The following MAN1A2 variants were observed in gnomAD, a reference collection of about 807,000 sequenced individuals.
The protein encoded by MAN1A2 is mannosidase alpha class 1A member 2.
Under a neutral mutation model 75.7 loss-of-function variants are expected in MAN1A2, and 26 were observed. That is an observed-to-expected ratio of 0.34 (90% confidence interval 0.25 to 0.48). MAN1A2 has a LOEUF of 0.48. Ranked by LOEUF, MAN1A2 falls within the 20% of genes least tolerant of loss-of-function variation. MAN1A2 has a pLI of 0.99. For synonymous variants in MAN1A2, 247 were observed against 264.6 expected (o/e 0.93, Z 0.65); for missense variants, 562 against 775.5 (o/e 0.72, Z 3.27).
At chr1:117,423,265 A>G (rs892948324) in intron 5 of MAN1A2, among the ~76,000 whole-genome samples, 4 of 152,180 alleles carry the variant, frequency 2.6e-5, no homozygotes, top group African/African-American at 9.6e-5. Flanking sequence ...TGGTACTACC[A>G]CATTGTATTC....
At chr1:117,494,969 T>C (rs1650992182) in intron 9 of MAN1A2, 1 of 151,908 alleles carries the variant, frequency 6.6e-6, no homozygotes, top group African/African-American at 2.4e-5. Flanking sequence ...GAACATGTGA[T>C]ATATCATATA....
chr1:117,506,838 C>G (rs1272046835), intron 12 of MAN1A2, among the ~76,000 whole-genome samples: 1 of 151,298 alleles, frequency 6.6e-6, no homozygotes, highest in Non-Finnish European at 1.5e-5. Context: ...GATGAGAGCT[C>G]TAAAGGTAGA....
At chr1:117,463,245 G>A (rs1245703205) in intron 7 of MAN1A2, among the ~76,000 whole-genome samples, 1 of 151,706 alleles carries the variant, frequency 6.6e-6, no homozygotes, top group Non-Finnish European at 1.5e-5. Flanking sequence ...AAACAAAAAC[G>A]AAAAGATTTC....
At chr1:117,487,035 A>G (rs903992432) in intron 8 of MAN1A2, among the ~76,000 whole-genome samples, 1 of 152,088 alleles carries the variant, frequency 6.6e-6, no homozygotes, top group Non-Finnish European at 1.5e-5. Context: ...TTTCTTATCA[A>G]TTATACTGGA....
chr1:117,523,677 T>C lies in MAN1A2; in HGVS notation c.*720T>C, dbSNP rs894491198. On this transcript the variant is annotated 3_prime_UTR_variant, in exon 13 of 13. Transcript: ENST00000356554. ...TCTTATGGAATCATCGAAACTGCTA[T>C]TTATCATAATCACCACTTATGAGCC... is the stretch of plus-strand genomic sequence containing the variant. The C allele has an allele frequency of 6.3e-6, 1 of 159,172 alleles. No homozygotes were observed. Among genetic ancestry groups the C allele is most frequent in the African/African-American group, 2.4e-5 (1 of 41,446 alleles). 9.9% of individuals were successfully genotyped at this position (159,172 alleles called of 1,614,324 possible).
At chr1:117,417,557 A>ATATATATATATATATATGTGTG (rs1214425551) in intron 4 of MAN1A2, among the ~76,000 whole-genome samples, 4 of 140,746 alleles carry the variant, frequency 2.8e-5, no homozygotes, top group African/African-American at 1.1e-4. Flanking sequence ...ATATATATAT[A>ATATATATATATATATATGTGTG]TGTGATATAT....
chr1:117,442,249 G>C lies in MAN1A2; in HGVS notation c.874G>C (p.Val292Leu). 6.2e-7 allele frequency: 1 copy of C among 1,605,502 alleles called. No individual in the cohort carries two copies. Among genetic ancestry groups the C allele is most frequent in the Non-Finnish European group, 8.5e-7 (1 of 1,172,220 alleles). ...ATCTCAGATATTCAAGATTAAAGCA[G>C]TGCAATTGGCTGAGAAACTCCTTCC... ...SGEEIFKIKA[V>L]QLAEKLLPAF... The change falls in exon 6 of 13, where the codon GTG becomes CTG. Residue 292 changes from valine (V) to leucine (L), a missense_variant. Coordinates refer to ENST00000356554, the MANE Select transcript of MAN1A2 (RefSeq NM_006699.5).
chr1:117,367,988 G>A lies in MAN1A2; in HGVS notation c.-196G>A, dbSNP rs1652824844. 1 of 576,036 alleles carries A rather than the reference G, an allele frequency of 1.7e-6. No homozygotes were observed. The highest frequency in any genetic ancestry group is 3.1e-6 in the Non-Finnish European group (1 of 326,272). The allele number at this position is 576,036 out of a possible 1,614,324, so 35.7% of individuals were successfully genotyped here. A position where few individuals can be genotyped will look rare whatever the true frequency, so the allele number is the denominator to read the frequency against. On this transcript the variant is annotated 5_prime_UTR_variant, in exon 1 of 13. Transcript: ENST00000356554. ...GCAGGACCTAAACTTGTGATCGTTTGGGGGAGGTCACACACGTTTCTGAGT... is the reference window on the plus strand; with the variant it reads ...GCAGGACCTAAACTTGTGATCGTTTAGGGGAGGTCACACACGTTTCTGAGT...
intron 1 of MAN1A2, among the ~76,000 whole-genome samples, chr1:117,385,717 T>C (rs999528898): frequency 6.6e-5 from 10 of 152,202 alleles, no homozygotes; most frequent in African/African-American, 2.4e-4. Context: ...ACAGCAACTG[T>C]AACACATGCA....
At chr1:117,419,619 CTA>C (rs1648122031) in intron 4 of MAN1A2, among the ~76,000 whole-genome samples, 1 of 151,950 alleles carries the variant, frequency 6.6e-6, no homozygotes, top group Non-Finnish European at 1.5e-5. Context: ...TTAAAATTAA[CTA>C]TGAATGTTTT....
intron 1 of MAN1A2, among the ~76,000 whole-genome samples, chr1:117,372,286 TGAGTC>T (rs1323667201): frequency 6.6e-6 from 1 of 152,066 alleles, no homozygotes; most frequent in Non-Finnish European, 1.5e-5. Context: ...GAAAAGTGGT[TGAGTC>T]AAGAGGTGTT....
intron 1 of MAN1A2, among the ~76,000 whole-genome samples, chr1:117,396,003 C>T (rs1411090954): frequency 6.6e-6 from 1 of 152,202 alleles, no homozygotes; most frequent in East Asian, 1.9e-4. Context: ...CATGTTCTTC[C>T]AGCACCAATG....
At chr1:117,458,525 T>TATATAA (rs1557959206) in intron 6 of MAN1A2, among the ~76,000 whole-genome samples, 2 of 43,192 alleles carry the variant, frequency 4.6e-5, no homozygotes, top group African/African-American at 1.1e-4. Flanking sequence ...ATATATATAT[T>TATATAA]TTTTTTTTTT....
intron 11 of MAN1A2, among the ~76,000 whole-genome samples, 177 bp downstream of exon 11, chr1:117,499,731 A>C (rs912679055): frequency 6.7e-6 from 1 of 148,758 alleles, no homozygotes; most frequent in Non-Finnish European, 1.5e-5. Flanking sequence ...AAATCTTACG[A>C]TATATATTAA....
chr1:117,471,835 A>T (rs1650171425), intron 8 of MAN1A2, among the ~76,000 whole-genome samples: 1 of 152,142 alleles, frequency 6.6e-6, no homozygotes, highest in Middle Eastern at 3.4e-3. Context: ...TAAACAAGGC[A>T]TATACCATAA....
intron 6 of MAN1A2, among the ~76,000 whole-genome samples, chr1:117,443,897 G>A (rs1335857098): frequency 6.6e-6 from 1 of 151,674 alleles, no homozygotes; most frequent in Non-Finnish European, 1.5e-5. Flanking sequence ...ACTGCACCTA[G>A]CATTATTTAC....
chr1:117,476,132 T>C (rs1248984997), intron 8 of MAN1A2, among the ~76,000 whole-genome samples: 3 of 152,224 alleles, frequency 2.0e-5, no homozygotes, highest in Non-Finnish European at 2.9e-5. Flanking sequence ...TGAGCTTTTT[T>C]TCATATGTTC....
chr1:117,394,254 T>C (rs1653836018), intron 1 of MAN1A2, among the ~76,000 whole-genome samples: 1 of 152,128 alleles, frequency 6.6e-6, no homozygotes, highest in Admixed American at 6.5e-5. Context: ...GCTAATTTTT[T>C]TGTATTTTCA....
At chr1:117,422,705 T>G (rs1648236096) in intron 5 of MAN1A2, among the ~76,000 whole-genome samples, 1 of 152,154 alleles carries the variant, frequency 6.6e-6, no homozygotes, top group Non-Finnish European at 1.5e-5. Context: ...TATGTTTATT[T>G]GTCATATGTA....
Sources: allele counts gnomAD v4.1 joint callset (sites outside exome capture counted in the v4.1 genomes callset), GRCh38; gene constraint gnomAD v4.1.1; transcripts MANE v1.5; gene names NCBI Gene and HGNC (gene_info 2026-07-23, HGNC 2026-07-21).